Variants in MTA3 observed in about 807,000 individuals in gnomAD.
MTA3 encodes metastasis-associated protein MTA3.
A neutral mutation model predicts 83.5 loss-of-function variants in MTA3; 34 were observed. That is an observed-to-expected ratio of 0.41 (90% CI 0.31 to 0.54). The LOEUF is 0.54. MTA3 is among the 20% of genes least tolerant of loss of function. The pLI is 0.33. For synonymous variants in MTA3, 303 were observed against 252.7 expected, an observed-to-expected ratio of 1.20 and a Z score of -1.89; for missense variants, 761 against 726.4, an observed-to-expected ratio of 1.05 and a Z score of -0.55.
chr2:42,637,786 A>G (rs980690790), intron 4 of MTA3, among the ~76,000 whole-genome samples: 3 of 152,202 alleles, frequency 2.0e-5, no homozygotes, highest in Non-Finnish European at 2.9e-5. Context: ...GTACTTCATT[A>G]TAACCTGTGT....
At chr2:42,496,610 A>G (rs1264113718) in intron 2 of MTA3, among the ~76,000 whole-genome samples, 28 of 20,150 alleles carry the variant, frequency 1.4e-3, no homozygotes, top group African/African-American at 2.0e-3. Flanking sequence ...GAACCTAGGA[A>G]AAAAAAAAAA....
At chr2:42,613,581 C>G (rs1415164893) in intron 4 of MTA3, 1 of 152,184 alleles carries the variant, frequency 6.6e-6, no homozygotes. Flanking sequence ...CCCCATCGTT[C>G]TTTGGCAGCA....
chr2:42,666,208 CG>C (rs1351290332), intron 8 of MTA3, among the ~76,000 whole-genome samples: 1 of 152,032 alleles, frequency 6.6e-6, no homozygotes, highest in Non-Finnish European at 1.5e-5. Context: ...ACCCGGGAGG[CG>C]GAGGTTGCAG....
At chr2:42,549,894 C>T (rs1677037763) in intron 2 of MTA3, among the ~76,000 whole-genome samples, 1 of 151,140 alleles carries the variant, frequency 6.6e-6, no homozygotes, top group African/African-American at 2.4e-5. Context: ...TCCTCCCTTC[C>T]TCCAGTGTAT....
chr2:42,665,688 T>C (rs1690173522), intron 8 of MTA3, among the ~76,000 whole-genome samples: 2 of 152,206 alleles, frequency 1.3e-5, no homozygotes, highest in Admixed American at 1.3e-4. Context: ...GCCTGGACTT[T>C]GAAGACTAAA....
At chr2:42,638,025 A>C (rs1687349234) in intron 4 of MTA3, among the ~76,000 whole-genome samples, 1 of 151,956 alleles carries the variant, frequency 6.6e-6, no homozygotes, top group Non-Finnish European at 1.5e-5. Flanking sequence ...CTCCACTATC[A>C]CTGTTTCAGT....
chr2:42,688,237 GCTAA>G (rs1192250616), intron 9 of MTA3, among the ~76,000 whole-genome samples: 1 of 152,112 alleles, frequency 6.6e-6, no homozygotes, highest in Non-Finnish European at 1.5e-5. Context: ...ACCATGTCTG[GCTAA>G]CTTTCTTTTA....
intron 16 of MTA3, among the ~76,000 whole-genome samples, chr2:42,738,792 G>C (rs1243408074): frequency 6.6e-6 from 1 of 152,204 alleles, no homozygotes; most frequent in Non-Finnish European, 1.5e-5. Flanking sequence ...CTCTGAACTG[G>C]CCCCCCAGGG....
chr2:42,642,665 A>G (rs530135299), intron 5 of MTA3, among the ~76,000 whole-genome samples: 78 of 141,472 alleles, frequency 5.5e-4, no homozygotes, highest in Non-Finnish European at 8.3e-4. Context: ...TTTTTTTGAG[A>G]TGAAGTCTCA....
intron 4 of MTA3, among the ~76,000 whole-genome samples, chr2:42,624,226 TTTA>T (rs1017250018): frequency 6.6e-6 from 1 of 152,136 alleles, no homozygotes; most frequent in Non-Finnish European, 1.5e-5. Flanking sequence ...CTGAATTACT[TTTA>T]TAATAAAATA....
chr2:42,697,788 G>T lies in MTA3; in HGVS notation c.979G>T (p.Ala327Ser). 1 of 1,542,780 alleles carries T rather than the reference G, an allele frequency of 6.5e-7. No homozygotes were observed. Residue 327 changes from alanine to serine, a missense_variant, in exon 11 of 17, where the codon GCA becomes TCA. Physicochemically the swap from Ala to Ser is moderately conservative, Grantham distance 99 (BLOSUM62 1). Coordinates refer to ENST00000405094, the MANE Select transcript of MTA3 (RefSeq NM_001330442.2). ...DRYVQQKRLK[A>S]AEAESKLKQV... ...TCTTTTGAATTAGAAACGTCTAAAA[G>T]CAGCAGAAGCTGAGAGTAAACTGAA...
At chr2:42,548,191 G>A (rs1434799425) in intron 2 of MTA3, among the ~76,000 whole-genome samples, 2 of 152,184 alleles carry the variant, frequency 1.3e-5, no homozygotes, top group African/African-American at 2.4e-5. Flanking sequence ...GGGGCCGGGC[G>A]CGCTGGCTCA....
chr2:42,640,337 C>A, intron 5 of MTA3, 101 bp downstream of exon 5: 1 of 806,554 alleles, frequency 1.2e-6, no homozygotes, highest in Non-Finnish European at 1.9e-6. Context: ...ATTATTCCAC[C>A]ATTATATTAA....
chr2:42,505,613 C>T (rs1338556033), intron 2 of MTA3, among the ~76,000 whole-genome samples: 1 of 151,800 alleles, frequency 6.6e-6, no homozygotes, highest in African/African-American at 2.4e-5. Context: ...ATCTAGAATG[C>T]GGATCATTAT....
intron 16 of MTA3, among the ~76,000 whole-genome samples, chr2:42,729,627 C>T (rs919025634): frequency 6.6e-6 from 1 of 152,102 alleles, no homozygotes; most frequent in Non-Finnish European, 1.5e-5. Flanking sequence ...TTTCTGGGTT[C>T]TCCATTCTGT....
At chr2:42,604,740 G>T (rs1287699685) in intron 3 of MTA3, among the ~76,000 whole-genome samples, 3 of 145,872 alleles carry the variant, frequency 2.1e-5, no homozygotes, top group Non-Finnish European at 4.5e-5. Context: ...GCCTTCCGCA[G>T]TGTTTGTGTC....
intron 2 of MTA3, among the ~76,000 whole-genome samples, chr2:42,554,149 G>A (rs948364341): frequency 6.6e-6 from 1 of 151,796 alleles, no homozygotes; most frequent in Non-Finnish European, 1.5e-5. Flanking sequence ...TACGGGAATC[G>A]CTTGAATGCA....
At chr2:42,627,680 C>T (rs1686244121) in intron 4 of MTA3, among the ~76,000 whole-genome samples, 1 of 151,346 alleles carries the variant, frequency 6.6e-6, no homozygotes, top group Non-Finnish European at 1.5e-5. Flanking sequence ...CCTCCTGCCT[C>T]AGCCTCCCAA....
At chr2:42,530,374 C>A (rs1163772391) in intron 2 of MTA3, among the ~76,000 whole-genome samples, 1 of 152,080 alleles carries the variant, frequency 6.6e-6, no homozygotes, top group African/African-American at 2.4e-5. Context: ...GTAGTCCCAG[C>A]TACTTGGGAG....
Sources: gnomAD v4.1 joint callset for allele counts (sites outside exome capture counted in the v4.1 genomes callset) on GRCh38, gnomAD v4.1.1 for gene constraint, MANE v1.5 for transcripts, NCBI Gene and HGNC (gene_info 2026-07-23, HGNC 2026-07-21) for gene names.